FBF1: variants seen among roughly 807,000 people sequenced by gnomAD.
FBF1 encodes fas-binding factor 1.
A neutral mutation model predicts 147.2 loss-of-function variants in FBF1; 119 were observed. That is an observed-to-expected ratio of 0.81 (90% CI 0.70 to 0.94). The LOEUF (loss-of-function observed/expected upper bound fraction) is 0.94, where lower values mean the gene tolerates loss of function less well. Among genes scored for constraint, FBF1 ranks in the 40% least tolerant of loss-of-function variants. FBF1 has a pLI of 0.00. For missense variants in FBF1, 1,449 were observed against 1,500.8 expected (o/e 0.97, Z 0.57); for synonymous variants, 601 against 609.0 (o/e 0.99, Z 0.19).
At position 75,910,971 on chromosome 17, in the gene FBF1, G is replaced by A. The variant is rs138553085; in HGVS notation, c.3364-165C>T. Among the ~76,000 whole-genome samples the A allele has an allele frequency of 6.6e-6, 1 of 152,306 alleles. No individual in the cohort carries two copies. The highest frequency in any genetic ancestry group is 1.9e-4 in the East Asian group (1 of 5,180). The stretch of plus-strand genomic sequence containing the variant: ...GGCCATGAAAGAGCCCAGGTATGGA[G>A]TGAGACAGACCACAGTCTCAATCCT... On this transcript the variant is annotated intron_variant, in intron 29 of 29. Transcript: ENST00000636174. This position sits in a 1 kb window ranked among gnomAD's most constrained non-coding sequence, Gnocchi z 4.1.
At chr17:75,916,596 G>A (rs2065490745) in intron 23 of FBF1, among the ~76,000 whole-genome samples, 2 of 152,222 alleles carry the variant, frequency 1.3e-5, no homozygotes, top group African/African-American at 4.8e-5. Flanking sequence ...TCCAGCCTGG[G>A]CAACAGAGCA....
Position 75,920,033 on chromosome 17 carries a change from G to T in FBF1, c.1905C>A (p.Asp635Glu). 1 of 1,603,974 alleles carries T rather than the reference G, an allele frequency of 6.2e-7. No individual in the cohort carries two copies. Among genetic ancestry groups the T allele is most frequent in the African/African-American group, 1.3e-5 (1 of 74,782 alleles). ...TGTGTGCACTCTCGATGAGCTCCAG[G>T]TCTGCCTGGTGCTGCTGCTGCAGAC... ...LGSLQQQHQA[D>E]LELIESAHRS... Residue 635 changes from aspartate (D) to glutamate (E), a missense_variant, in exon 19 of 30, where the codon GAC becomes GAA. By Grantham distance (45) the Asp-to-Glu change is conservative. Transcript: ENST00000636174.
At chr17:75,932,914 A>T in intron 5 of FBF1, 81 bp downstream of exon 5, 3 of 858,046 alleles carry the variant, frequency 3.5e-6, no homozygotes, top group Non-Finnish European at 5.2e-6. Context: ...AGCAAATGTG[A>T]AGTAGAAAGT....
At chr17:75,917,880 C>G in intron 22 of FBF1, 30 bp from the exon 23 acceptor site, 1 of 1,440,620 alleles carries the variant, frequency 6.9e-7, no homozygotes, top group East Asian at 2.6e-5. Flanking sequence ...TGCTCAGCAG[C>G]TGCTCCCCCT....
In FBF1 at chr17:75,919,791, T is replaced by C. The variant is rs1211289644; in HGVS notation, c.2015A>G (p.Tyr672Cys). The change falls in exon 20 of 30, where the codon TAT (tyrosine) becomes TGT (cysteine). Residue 672 changes from tyrosine (Y) to cysteine (C), a missense_variant. Transcript: ENST00000636174. The surrounding 1 kb of genome is among the most constrained non-coding windows in gnomAD (Gnocchi z 5.0). ...TTCGGCCTCCTGGCACTGCGACAGA[T>C]ACCGAGCTGACAGCTCTTCGTTCTC... ...RRENEELSAR[Y>C]LSQCQEAEQA... 3 of 1,613,736 alleles carry C rather than the reference T, an allele frequency of 1.9e-6. No homozygotes were observed. Among genetic ancestry groups the C allele is most frequent in the Admixed American group, 1.7e-5 (1 of 60,014 alleles).
chr17:75,917,952 G>A lies in FBF1; in HGVS notation c.2365C>T (p.Gln789Ter). The change falls in exon 22 of 30, where the codon CAG becomes TAG. Residue 789 changes from glutamine to a stop codon, truncating the protein, a stop_gained. Coordinates refer to ENST00000636174, the MANE Select transcript of FBF1 (RefSeq NM_001319193.2). LOFTEE classifies it high-confidence loss of function. ...TSQERELGIR[Q>*]RDEQLRALQE... Reference sequence around the variant, plus strand: ...GTACCCCGCAGCTGCTCGTCACGCTGCCGGATCCCCAGCTCCCGCTCCTGG... The same window carrying A: ...GTACCCCGCAGCTGCTCGTCACGCTACCGGATCCCCAGCTCCCGCTCCTGG... 3 of 1,604,316 alleles carry A rather than the reference G, an allele frequency of 1.9e-6. No individual in the cohort carries two copies. The East Asian group carries it at 6.7e-5, about 36-fold the overall frequency.
chr17:75,917,655 G>T, intron 23 of FBF1, 77 bp downstream of exon 23: 1 of 1,324,402 alleles, frequency 7.6e-7, no homozygotes, highest in Non-Finnish European at 1.0e-6. Flanking sequence ...TCACGGGAGT[G>T]CCGCTACACT....
At chr17:75,912,607 G>T (rs1361998956) in intron 28 of FBF1, among the ~76,000 whole-genome samples, 1 of 152,244 alleles carries the variant, frequency 6.6e-6, no homozygotes, top group Non-Finnish European at 1.5e-5. Context: ...GCACAGAGCA[G>T]CCTCACAGTG....
At chr17:75,920,933 A>G (rs1378156858) in intron 17 of FBF1, among the ~76,000 whole-genome samples, 1 of 149,386 alleles carries the variant, frequency 6.7e-6, no homozygotes, top group African/African-American at 2.5e-5. Flanking sequence ...AGGGTGGAGG[A>G]GGCTTTCTTG....
Position 75,925,165 on chromosome 17 carries a change from C to G in FBF1, c.968+182G>C, listed in dbSNP as rs2065552161. On this transcript the variant is annotated intron_variant, in intron 13 of 29. Transcript: ENST00000636174. This position sits in a 1 kb window ranked among gnomAD's most constrained non-coding sequence, Gnocchi z 5.0. ...TCCCACTGGGGCCATCTCCTCCACT[C>G]TGTCTGGGCTGGCGGGACCAGGCCA... is the stretch of plus-strand genomic sequence containing the variant. Among the ~76,000 whole-genome samples, 1 of 152,210 alleles carries G rather than the reference C, an allele frequency of 6.6e-6. No individual in the cohort carries two copies. Among genetic ancestry groups the G allele is most frequent in the African/African-American group, 2.4e-5 (1 of 41,464 alleles).
chr17:75,925,991 T>C lies in FBF1; in HGVS notation c.868+39A>G. 3 of 1,564,060 alleles carry C rather than the reference T, an allele frequency of 1.9e-6. No individual in the cohort carries two copies. The highest frequency in any genetic ancestry group is 1.7e-6 in the Non-Finnish European group (2 of 1,154,572). On this transcript the variant is annotated intron_variant, in intron 12 of 29. Coordinates refer to ENST00000636174, the MANE Select transcript of FBF1 (RefSeq NM_001319193.2). The surrounding 1 kb of genome is among the most constrained non-coding windows in gnomAD (Gnocchi z 5.0). ...GTGATGAAAGCCTGATCTAGAGGCC[T>C]CCCTCCCGTCCTGTTGCGGCCCCCG...
chr17:75,920,217 A>G, intron 18 of FBF1, 57 bp downstream of exon 18: 1 of 1,593,888 alleles, frequency 6.3e-7, no homozygotes, highest in Middle Eastern at 2.2e-4. Flanking sequence ...AGCCACTCTC[A>G]GTGTCCCCTC....
chr17:75,923,084 C>G lies in FBF1; in HGVS notation c.1424+102G>C, dbSNP rs1248077707. The stretch of plus-strand genomic sequence containing the variant: ...TGTGGCCACGGCGCCCTGCCTTGTT[C>G]CCCAACTGCTGACTGAGGCTGCAAC... On this transcript the variant is annotated intron_variant, in intron 14 of 29. Transcript: ENST00000636174. The surrounding 1 kb of genome is among the most constrained non-coding windows in gnomAD (Gnocchi z 4.1). The G allele has an allele frequency of 3.3e-6, 4 of 1,226,944 alleles. No homozygotes were observed. Among genetic ancestry groups the G allele is most frequent in the Non-Finnish European group, 4.5e-6 (4 of 893,594 alleles). The allele number at this position is 1,226,944 out of a possible 1,614,324, so 76.0% of individuals were successfully genotyped here. A position where few individuals can be genotyped will look rare whatever the true frequency, so the allele number is the denominator to read the frequency against.
chr17:75,923,330 A>G lies in FBF1; in HGVS notation c.1280T>C (p.Leu427Pro), dbSNP rs1163773669. The G allele has an allele frequency of 6.2e-7, 1 of 1,601,412 alleles. No homozygotes were observed. Reference sequence around the variant, plus strand: ...CTCTTTCTCCTCCTTGGAGGCTCGCAGCTTGGAAGCCTGGCTGGCTTTGGC... The same window carrying G: ...CTCTTTCTCCTCCTTGGAGGCTCGCGGCTTGGAAGCCTGGCTGGCTTTGGC... ...SPAKASQASKLRASKEEKEDW... is the reference protein window; with the variant it reads ...SPAKASQASKPRASKEEKEDW... Residue 427 changes from leucine to proline, a missense_variant, in exon 14 of 30, where the codon CTG becomes CCG. Coordinates refer to ENST00000636174, the MANE Select transcript of FBF1 (RefSeq NM_001319193.2). The surrounding 1 kb of genome is among the most constrained non-coding windows in gnomAD (Gnocchi z 4.1).
rs557553223 is a variant in FBF1 at position 75,927,982 on chromosome 17, C to T, written c.397+94G>A. ...TGCAGAGAAAACCCAAGGACATGAACGCTTCCTACTAGCATCTTCCACGTC... is the reference window on the plus strand; with the variant it reads ...TGCAGAGAAAACCCAAGGACATGAATGCTTCCTACTAGCATCTTCCACGTC... On this transcript the variant is annotated intron_variant, in intron 8 of 29. Coordinates refer to ENST00000636174, the MANE Select transcript of FBF1 (RefSeq NM_001319193.2). 7 of 999,436 alleles carry T rather than the reference C, an allele frequency of 7.0e-6. No individual in the cohort carries two copies. In the Admixed American group the frequency reaches 1.2e-4, roughly 17 times the overall value. The allele number at this position is 999,436 out of a possible 1,614,324, so 61.9% of individuals were successfully genotyped here.
Position 75,925,536 on chromosome 17 carries a change from T to A in FBF1, c.869-90A>T. ...AAATTCTAACAAAAGCTGAATTTGG[T>A]AGCTTGTTGTGTAAGACAAGCAGAG... On this transcript the variant is annotated intron_variant, in intron 12 of 29. Coordinates refer to ENST00000636174, the MANE Select transcript of FBF1 (RefSeq NM_001319193.2). This position sits in a 1 kb window ranked among gnomAD's most constrained non-coding sequence, Gnocchi z 5.0. The A allele has an allele frequency of 8.8e-7, 1 of 1,134,298 alleles. No individual in the cohort carries two copies. Among genetic ancestry groups the A allele is most frequent in the Non-Finnish European group, 1.3e-6 (1 of 783,992 alleles). The allele number at this position is 1,134,298 out of a possible 1,614,324, so 70.3% of individuals were successfully genotyped here. A position where few individuals can be genotyped will look rare whatever the true frequency, so the allele number is the denominator to read the frequency against.
intron 4 of FBF1, among the ~76,000 whole-genome samples, chr17:75,933,646 A>ATAG (rs1290595638): frequency 6.6e-6 from 1 of 152,216 alleles, no homozygotes; most frequent in African/African-American, 2.4e-5. Flanking sequence ...AGGTTCCTTA[A>ATAG]TAGACCAACA....
In FBF1 at chr17:75,930,032, C is replaced by T. The variant is rs1179832812; in HGVS notation, c.244G>A (p.Glu82Lys). 2.0e-6 allele frequency: 3 copies of T among 1,513,556 alleles called. No homozygotes were observed. The East Asian group carries it at 7.8e-5, about 39-fold the overall frequency. The allele number at this position is 1,513,556 out of a possible 1,614,324, so 93.8% of individuals were successfully genotyped here. The part of the protein sequence containing the change: ...EADAEVSGIS[E>K]ADPQALLQAM... ...TGGAGCAGAGCCTGTGGGTCTGCCTCTGAGATACCTGAAACCTAAGTCCAC... is the reference window on the plus strand; with the variant it reads ...TGGAGCAGAGCCTGTGGGTCTGCCTTTGAGATACCTGAAACCTAAGTCCAC... Residue 82 changes from glutamate (E) to lysine (K), a missense_variant, in exon 7 of 30, where the codon GAG (glutamate) becomes AAG (lysine). By Grantham distance (56) the Glu-to-Lys change is moderately conservative (BLOSUM62 1). Coordinates refer to ENST00000636174, the MANE Select transcript of FBF1 (RefSeq NM_001319193.2).
chr17:75,914,006 C>G lies in FBF1; in HGVS notation c.3036G>C (p.Glu1012Asp). The G allele has an allele frequency of 1.3e-6, 2 of 1,579,458 alleles. No individual in the cohort carries two copies. The highest frequency in any genetic ancestry group is 1.7e-6 in the Non-Finnish European group (2 of 1,170,126). Residue 1012 changes from glutamate (E) to aspartate (D), a missense_variant, in exon 27 of 30, where the codon GAG becomes GAC. Physicochemically the swap from Glu to Asp is conservative, Grantham distance 45. Coordinates refer to ENST00000636174, the MANE Select transcript of FBF1 (RefSeq NM_001319193.2). ...GCTGCTCTGCCTGCACCTGCTGGGC[C>G]TCGCGCAATGCCCGCTCCCCCTCCT... ...KYEEGERALR[E>D]AQQVQAEQQA...
Sources: gnomAD v4.1 joint callset for allele counts (sites outside exome capture counted in the v4.1 genomes callset) on GRCh38, gnomAD v4.1.1 for gene constraint, Gnocchi (gnomAD v3.1) non-coding constraint, MANE v1.5 for transcripts, NCBI Gene and HGNC (gene_info 2026-07-23, HGNC 2026-07-21) for gene names.